The following ARID4B variants were observed in gnomAD, a reference collection of about 807,000 sequenced individuals.
ARID4B encodes the protein AT-rich interactive domain-containing protein 4B.
A neutral mutation model predicts 147.5 loss-of-function variants in ARID4B; 26 were observed. The observed-to-expected ratio is 0.18, with a 90% CI of 0.13 to 0.24. The LOEUF is 0.24. Ranked by LOEUF, ARID4B falls within the 10% of genes least tolerant of loss-of-function variation. ARID4B has a pLI of 1.00. For synonymous variants in ARID4B, 512 were observed against 507.9 expected, an observed-to-expected ratio of 1.01 and a Z score of -0.11; for missense variants, 1,179 against 1,511.5, an observed-to-expected ratio of 0.78 and a Z score of 3.65.
intron 2 of ARID4B, among the ~76,000 whole-genome samples, chr1:235,318,440 G>A (rs567049645): frequency 1.3e-5 from 2 of 152,074 alleles, no homozygotes; most frequent in South Asian, 2.1e-4. Context: ...CCAAAGTGCT[G>A]GGATTACAGG....
chr1:235,185,682 C>T (rs1482796790), intron 19 of ARID4B, among the ~76,000 whole-genome samples: 3 of 152,178 alleles, frequency 2.0e-5, no homozygotes, highest in Admixed American at 1.3e-4. Context: ...TACATCCTTA[C>T]CCTCAAACTT....
chr1:235,253,137 A>C (rs7554591), intron 5 of ARID4B, among the ~76,000 whole-genome samples: 151,699 of 152,290 alleles, frequency 1, 75,558 homozygotes, highest in East Asian at 1. Context: ...TAAAGAAATG[A>C]CAAGTTTTCC....
rs187854537 is a variant in ARID4B at position 235,211,820 on chromosome 1, G to A, written c.1841+1949C>T. On this transcript the variant is annotated intron_variant, in intron 17 of 23. Coordinates refer to ENST00000264183, the MANE Select transcript of ARID4B (RefSeq NM_016374.6). ...TAGAACTCCCTCTACATTTATATTC[G>A]GTAAGATAATTTAGTAAGATCAAAA... 6.6e-5 allele frequency among the ~76,000 whole-genome samples: 10 copies of A among 152,098 alleles called. No homozygotes were observed. In the East Asian group the frequency reaches 1.2e-3, roughly 18 times the overall value.
chr1:235,204,073 T>C (rs959065330), intron 17 of ARID4B, among the ~76,000 whole-genome samples: 4 of 152,126 alleles, frequency 2.6e-5, no homozygotes, highest in African/African-American at 4.8e-5. Flanking sequence ...TCTGTAAGAC[T>C]AACATTTTGG....
intron 2 of ARID4B, among the ~76,000 whole-genome samples, chr1:235,271,081 A>T (rs935862470): frequency 6.6e-6 from 1 of 152,082 alleles, no homozygotes; most frequent in Admixed American, 6.6e-5. Context: ...TAAAATCCCT[A>T]CTGGGCCAGT....
intron 2 of ARID4B, among the ~76,000 whole-genome samples, chr1:235,274,217 T>C (rs1200827805): frequency 6.7e-6 from 1 of 148,482 alleles, no homozygotes; most frequent in African/African-American, 2.5e-5. Flanking sequence ...GCTACTAAAA[T>C]ACAAAAAAAA....
At chr1:235,285,677 C>T (rs549599999) in intron 2 of ARID4B, among the ~76,000 whole-genome samples, 15 of 152,180 alleles carry the variant, frequency 9.9e-5, no homozygotes, top group Non-Finnish European at 2.2e-4. Context: ...ACAACATGAT[C>T]CGCTACCAAG....
chr1:235,301,083 A>C (rs1673104014), intron 2 of ARID4B, among the ~76,000 whole-genome samples: 1 of 129,182 alleles, frequency 7.7e-6, no homozygotes, highest in Admixed American at 8.6e-5. Context: ...ACAGGGTCTC[A>C]CTATGTTTCC....
At chr1:235,251,294 G>A (rs1330680558) in intron 6 of ARID4B, among the ~76,000 whole-genome samples, 5 of 151,346 alleles carry the variant, frequency 3.3e-5, no homozygotes, top group African/African-American at 9.7e-5. Flanking sequence ...GAGAGCTCAC[G>A]AAAGACATAG....
intron 2 of ARID4B, among the ~76,000 whole-genome samples, chr1:235,314,365 T>C (rs1477580679): frequency 6.6e-6 from 1 of 152,214 alleles, no homozygotes; most frequent in African/African-American, 2.4e-5. Flanking sequence ...TACACAACTT[T>C]ACAAGGTAGC....
chr1:235,212,296 G>T (rs1666767086), intron 17 of ARID4B, among the ~76,000 whole-genome samples: 1 of 152,106 alleles, frequency 6.6e-6, no homozygotes, highest in Non-Finnish European at 1.5e-5. Flanking sequence ...ACCAACAGGT[G>T]AAAGGATAAA....
intron 15 of ARID4B, 83 bp downstream of exon 15, chr1:235,220,219 C>T (rs1050344632): frequency 2.4e-6 from 3 of 1,228,038 alleles, no homozygotes; most frequent in Non-Finnish European, 2.2e-6. Flanking sequence ...TAATATTATA[C>T]AATATATTGA....
intron 2 of ARID4B, among the ~76,000 whole-genome samples, chr1:235,265,878 G>A (rs1413934876): frequency 6.6e-6 from 1 of 151,786 alleles, no homozygotes; most frequent in Non-Finnish European, 1.5e-5. Flanking sequence ...CTTAGAAGAG[G>A]GCCCAGCACA....
At chr1:235,290,136 T>C (rs997633624) in intron 2 of ARID4B, among the ~76,000 whole-genome samples, 1 of 152,134 alleles carries the variant, frequency 6.6e-6, no homozygotes, top group Non-Finnish European at 1.5e-5. Flanking sequence ...GGGAAAATGT[T>C]AGCCTTCATA....
At chr1:235,190,248 G>A (rs1379931619) in intron 19 of ARID4B, 1 of 152,258 alleles carries the variant, frequency 6.6e-6, no homozygotes, top group African/African-American at 2.4e-5. Context: ...AGCAGTTCGA[G>A]ACCAGCCTGG....
In ARID4B at chr1:235,256,968, T is replaced by C. The variant is rs1203463805; in HGVS notation, c.183+192A>G. Among the ~76,000 whole-genome samples the C allele has an allele frequency of 2.0e-5, 3 of 152,186 alleles. No individual in the cohort carries two copies. In the East Asian group the frequency reaches 5.8e-4, roughly 29 times the overall value. ...ATAACTTATTGCAACCTTGAACTCC[T>C]GGCCTCAAGCTATCCTCCTGCCTCA... On this transcript the variant is annotated intron_variant, in intron 4 of 23. Coordinates refer to ENST00000264183, the MANE Select transcript of ARID4B (RefSeq NM_016374.6).
intron 5 of ARID4B, among the ~76,000 whole-genome samples, chr1:235,253,988 TAACA>T (rs1387869232): frequency 1.3e-5 from 2 of 152,198 alleles, no homozygotes; most frequent in African/African-American, 4.8e-5. Flanking sequence ...ATACGTTACA[TAACA>T]AGTTACATTA....
chr1:235,277,277 G>A (rs1403686127), intron 2 of ARID4B, among the ~76,000 whole-genome samples: 1 of 151,722 alleles, frequency 6.6e-6, no homozygotes, highest in African/African-American at 2.4e-5. Context: ...GAGGCTGGGT[G>A]CAGTGTAATC....
At chr1:235,223,597 C>T (rs1432432013) in intron 12 of ARID4B, among the ~76,000 whole-genome samples, 1 of 150,366 alleles carries the variant, frequency 6.7e-6, no homozygotes, top group African/African-American at 2.4e-5. Context: ...TAGATAACTG[C>T]TTCCCAATAA....
Sources: allele counts gnomAD v4.1 joint callset (sites outside exome capture counted in the v4.1 genomes callset), GRCh38; gene constraint gnomAD v4.1.1; transcripts MANE v1.5; gene names NCBI Gene and HGNC (gene_info 2026-07-23, HGNC 2026-07-21).